NLGN1: variants seen among roughly 807,000 people sequenced by gnomAD.
The protein encoded by NLGN1 is neuroligin 1, also known as neuroligin-1.
Under a neutral mutation model 65.5 loss-of-function variants are expected in NLGN1, and 12 were observed. The observed-to-expected ratio is 0.18, with a 90% CI of 0.12 to 0.30. The LOEUF (loss-of-function observed/expected upper bound fraction) is 0.30. Among genes scored for constraint, NLGN1 ranks in the 10% least tolerant of loss-of-function variants. NLGN1 has a pLI of 1.00. For synonymous variants in NLGN1, 350 were observed against 359.5 expected (o/e 0.97, Z 0.30); for missense variants, 750 against 1,007.1 (o/e 0.74, Z 3.46).
At chr3:173,736,908 G>A (rs192323317) in intron 3 of NLGN1, among the ~76,000 whole-genome samples, 5 of 152,032 alleles carry the variant, frequency 3.3e-5, no homozygotes, top group African/African-American at 7.2e-5. Flanking sequence ...AGCAATATTG[G>A]TGCAGATAGT....
intron 2 of NLGN1, among the ~76,000 whole-genome samples, chr3:173,463,028 T>TA (rs1723666544): frequency 6.6e-6 from 1 of 152,136 alleles, no homozygotes. Context: ...TTGCTTTATA[T>TA]AGGAGAGGCA....
chr3:174,061,309 A>G (rs1196156935), intron 4 of NLGN1, among the ~76,000 whole-genome samples: 5 of 152,124 alleles, frequency 3.3e-5, no homozygotes, highest in Non-Finnish European at 7.4e-5. Context: ...TTAGCAATAG[A>G]AAGTAAATCT....
chr3:174,293,377 AT>A, the NLGN1 span, among the ~76,000 whole-genome samples: 14 of 151,720 alleles, frequency 9.2e-5, no homozygotes, highest in East Asian at 2.5e-3. Flanking sequence ...TTGTAATAAA[AT>A]TAATAATACA....
intron 4 of NLGN1, among the ~76,000 whole-genome samples, chr3:174,252,509 C>G (rs1284087689): frequency 6.6e-6 from 1 of 150,742 alleles, no homozygotes; most frequent in Admixed American, 6.6e-5. Flanking sequence ...ATTTTTTTTT[C>G]CTTGACTAGC....
intron 4 of NLGN1, among the ~76,000 whole-genome samples, chr3:173,821,439 TTA>T (rs1720276742): frequency 6.6e-6 from 1 of 152,190 alleles, no homozygotes; most frequent in African/African-American, 2.4e-5. Flanking sequence ...CTAGAATTCT[TTA>T]TGTTTTTGAC....
At chr3:173,943,400 G>A (rs1369531601) in intron 4 of NLGN1, among the ~76,000 whole-genome samples, 1 of 152,102 alleles carries the variant, frequency 6.6e-6, no homozygotes, top group Non-Finnish European at 1.5e-5. Flanking sequence ...AGCTCTTAAG[G>A]CTTCAGGGCA....
At chr3:173,650,793 A>G (rs1218333270) in intron 3 of NLGN1, among the ~76,000 whole-genome samples, 3 of 152,128 alleles carry the variant, frequency 2.0e-5, no homozygotes, top group East Asian at 3.9e-4. Context: ...ATTTCTGGTA[A>G]TCTATTTTGT....
intron 2 of NLGN1, among the ~76,000 whole-genome samples, chr3:173,557,726 C>T (rs1238937996): frequency 6.6e-6 from 1 of 152,050 alleles, no homozygotes; most frequent in Non-Finnish European, 1.5e-5. Flanking sequence ...TATGCTGTTG[C>T]TGTCATTTAT....
At chr3:173,420,584 G>A (rs565613418) in intron 1 of NLGN1, among the ~76,000 whole-genome samples, 22 of 152,256 alleles carry the variant, frequency 1.4e-4, no homozygotes, top group Middle Eastern at 6.8e-3. Context: ...AATCCTCTGG[G>A]TATATACCCA....
intron 3 of NLGN1, among the ~76,000 whole-genome samples, chr3:173,670,294 C>G (rs1331760899): frequency 6.6e-6 from 1 of 152,120 alleles, no homozygotes; most frequent in Non-Finnish European, 1.5e-5. Flanking sequence ...ACTATTGGCC[C>G]ATTGCTTGAT....
intron 3 of NLGN1, among the ~76,000 whole-genome samples, chr3:173,804,751 G>C (rs1374659304): frequency 4.6e-5 from 7 of 152,032 alleles, no homozygotes; most frequent in Non-Finnish European, 2.9e-5. Context: ...GCCTGGCCAG[G>C]CATGGTGGCT....
chr3:173,444,970 A>AT (rs1309823172), intron 2 of NLGN1, among the ~76,000 whole-genome samples: 1 of 151,798 alleles, frequency 6.6e-6, no homozygotes, highest in Non-Finnish European at 1.5e-5. Flanking sequence ...GTATTAAAAA[A>AT]AAAACAAGGA....
intron 2 of NLGN1, among the ~76,000 whole-genome samples, chr3:173,458,206 G>A (rs1033591928): frequency 6.6e-6 from 1 of 151,252 alleles, no homozygotes; most frequent in African/African-American, 2.4e-5. Flanking sequence ...AGAGAGGAGG[G>A]AAATCACTGC....
At chr3:173,859,893 T>C (rs1016001513) in intron 4 of NLGN1, among the ~76,000 whole-genome samples, 4 of 152,096 alleles carry the variant, frequency 2.6e-5, no homozygotes, top group Non-Finnish European at 4.4e-5. Context: ...CTCCATTCTG[T>C]CTGTTGCTCT....
At chr3:174,053,580 A>G (rs1735385062) in intron 4 of NLGN1, among the ~76,000 whole-genome samples, 1 of 152,006 alleles carries the variant, frequency 6.6e-6, no homozygotes, top group Admixed American at 6.6e-5. Context: ...GGAAAAGAGC[A>G]GTAAGTAATG....
chr3:173,914,321 C>T (rs1185401047), intron 4 of NLGN1, among the ~76,000 whole-genome samples: 1 of 152,098 alleles, frequency 6.6e-6, no homozygotes, highest in Non-Finnish European at 1.5e-5. Context: ...AGGGTTTAGG[C>T]TTTTGTTTCA....
chr3:173,475,155 C>T lies in NLGN1; in HGVS notation c.-321+40077C>T, dbSNP rs115262845. On this transcript the variant is annotated intron_variant, in intron 2 of 6. Transcript: ENST00000457714. ...AAGAAGTGTCTTACTAATTAATTTC[C>T]AACTCATCACCTCTGTAATTACTAA... is the stretch of plus-strand genomic sequence containing the variant. 3.6e-3 allele frequency among the ~76,000 whole-genome samples: 550 copies of T among 152,048 alleles called. 3 individuals are homozygous for T. The highest frequency in any genetic ancestry group is 0.013 in the African/African-American group (525 of 41,486).
chr3:173,834,651 A>G (rs1056077952), intron 4 of NLGN1, among the ~76,000 whole-genome samples: 22 of 152,288 alleles, frequency 1.4e-4, no homozygotes, highest in African/African-American at 3.6e-4. Context: ...TACACATACT[A>G]TCTCATTTAA....
chr3:173,844,733 A>G (rs1398297303), intron 4 of NLGN1, among the ~76,000 whole-genome samples: 3 of 152,242 alleles, frequency 2.0e-5, no homozygotes, highest in African/African-American at 7.2e-5. Flanking sequence ...TCTTGAACGA[A>G]GTAAGCATAG....
Sources: allele counts gnomAD v4.1 joint callset (sites outside exome capture counted in the v4.1 genomes callset), GRCh38; gene constraint gnomAD v4.1.1; transcripts MANE v1.5; gene names NCBI Gene and HGNC (gene_info 2026-07-23, HGNC 2026-07-21).